The following TUT4 variants were observed in gnomAD, a reference collection of about 807,000 sequenced individuals.
TUT4 encodes the protein terminal uridylyltransferase 4.
In TUT4, 36 loss-of-function variants were observed where a neutral mutation model predicts 192.2. The ratio of observed to expected loss-of-function variants is 0.19; its 90% confidence interval spans 0.14 to 0.25. The LOEUF (loss-of-function observed/expected upper bound fraction) is 0.25. Among genes scored for constraint, TUT4 ranks in the 10% least tolerant of loss-of-function variants. The pLI, the probability that TUT4 is intolerant of heterozygous loss-of-function variation, is 1.00. For missense variants in TUT4, 1,493 were observed against 1,957.2 expected, an observed-to-expected ratio of 0.76 and a Z score of 4.47; for synonymous variants, 618 against 666.0, an observed-to-expected ratio of 0.93 and a Z score of 1.11.
chr1:52,475,969 G>A (rs1045344373), intron 12 of TUT4, among the ~76,000 whole-genome samples: 6 of 151,768 alleles, frequency 4.0e-5, no homozygotes, highest in East Asian at 1.9e-4. Flanking sequence ...CTCAGCCTCC[G>A]GAGTAGCTGG....
chr1:52,464,839 ACT>A (rs1158495002), intron 16 of TUT4: 15 of 372,194 alleles, frequency 4.0e-5, no homozygotes, highest in Non-Finnish European at 6.2e-5. Flanking sequence ...AATCACTGTA[ACT>A]CTCAGTGACA....
chr1:52,477,917 A>T, intron 11 of TUT4, 35 bp from the exon 12 acceptor site: 4 of 1,513,686 alleles, frequency 2.6e-6, no homozygotes, highest in Non-Finnish European at 3.5e-6. Flanking sequence ...TTTAAGCTTA[A>T]CAAAACCATA....
intron 28 of TUT4, among the ~76,000 whole-genome samples, chr1:52,429,496 T>C (rs1651282716): frequency 6.6e-6 from 1 of 151,634 alleles, no homozygotes; most frequent in African/African-American, 2.4e-5. Context: ...TGTAGTATGC[T>C]AGATTGGCCT....
At chr1:52,461,655 T>A (rs1382216363) in intron 17 of TUT4, 39 bp from the exon 18 acceptor site, 1 of 1,563,896 alleles carries the variant, frequency 6.4e-7, no homozygotes, top group East Asian at 2.3e-5. Context: ...GTTAAATAAT[T>A]TTCATATATG....
chr1:52,536,789 G>A (rs1039591453), intron 1 of TUT4, among the ~76,000 whole-genome samples: 3 of 152,262 alleles, frequency 2.0e-5, no homozygotes, highest in African/African-American at 4.8e-5. Flanking sequence ...AGGAGGTGGA[G>A]GTTGCAGTGA....
intron 29 of TUT4, chr1:52,424,372 A>G (rs1264875247): frequency 1.7e-5 from 4 of 239,586 alleles, no homozygotes; most frequent in African/African-American, 4.6e-5. Flanking sequence ...CAATACAGGG[A>G]TGCCCCAGTA....
In TUT4 at chr1:52,475,264, T is replaced by C. The variant is rs1464532380; in HGVS notation, c.2295A>G (p.Gln765=). Residue 765 remains glutamine (Q), a synonymous_variant, in exon 13 of 30, where the codon CAA becomes CAG. Coordinates refer to ENST00000257177, the MANE Select transcript of TUT4 (RefSeq NM_001009881.3). ...GTGATGTACAGTCCATTTCATCACA[T>C]TGAACAGGTTGCTCTCTTTCTGCAT... is the stretch of plus-strand genomic sequence containing the variant. ...KINAEREQPV[Q]CDEMDCTSQR... 1.5e-5 allele frequency: 24 copies of C among 1,614,076 alleles called. No homozygotes were observed. Among genetic ancestry groups the C allele is most frequent in the African/African-American group, 2.7e-5 (2 of 74,934 alleles).
intron 12 of TUT4, among the ~76,000 whole-genome samples, chr1:52,477,087 C>T (rs1280031678): frequency 2.0e-5 from 3 of 152,134 alleles, no homozygotes; most frequent in Admixed American, 2.0e-4. Flanking sequence ...AATCTTATGA[C>T]ACAAATTTAT....
At chr1:52,515,716 A>G in intron 3 of TUT4, 175 bp downstream of exon 3, 1 of 731,258 alleles carries the variant, frequency 1.4e-6, no homozygotes, top group South Asian at 1.9e-5. Context: ...CTGCTGAAAA[A>G]GAGAGGCAAG....
At chr1:52,477,425 T>A (rs920496614) in intron 12 of TUT4, among the ~76,000 whole-genome samples, 1 of 151,912 alleles carries the variant, frequency 6.6e-6, no homozygotes, top group Non-Finnish European at 1.5e-5. Flanking sequence ...ATAAAAAAAA[T>A]TAGCTGGGCA....
At chr1:52,454,221 C>G (rs1660233825) in intron 20 of TUT4, among the ~76,000 whole-genome samples, 1 of 152,144 alleles carries the variant, frequency 6.6e-6, no homozygotes, top group African/African-American at 2.4e-5. Context: ...TATAGACAAA[C>G]TGATTCTAAA....
intron 7 of TUT4, among the ~76,000 whole-genome samples, chr1:52,491,176 G>GA (rs1020456660): frequency 1.3e-5 from 2 of 152,182 alleles, no homozygotes; most frequent in African/African-American, 2.4e-5. Context: ...CAGGAGCCAT[G>GA]AAAGGAGGAC....
At position 52,425,459 on chromosome 1, in the gene TUT4, G is replaced by A. The variant is rs779841519; in HGVS notation, c.4760C>T (p.Pro1587Leu). Residue 1587 changes from proline to leucine, a missense_variant, in exon 29 of 30, where the codon CCG becomes CTG. Physicochemically the swap from Pro to Leu is moderately conservative, Grantham distance 98. Transcript: ENST00000257177. ...LTPPIPWEHA[P>L]RPHFPLVPAS... ...TGGGACAAGGGGGAAATGGGGACGC[G>A]GTGCATGTTCCCAAGGAATTGGAGG... 12 of 1,614,002 alleles carry A rather than the reference G, an allele frequency of 7.4e-6. No homozygotes were observed. Among genetic ancestry groups the A allele is most frequent in the South Asian group, 4.4e-5 (4 of 91,068 alleles).
intron 1 of TUT4, among the ~76,000 whole-genome samples, chr1:52,532,579 G>A (rs977370840): frequency 5.3e-5 from 8 of 152,246 alleles, no homozygotes; most frequent in East Asian, 3.9e-4. Context: ...CCCAAGTGCC[G>A]GGATTACAGG....
intron 15 of TUT4, among the ~76,000 whole-genome samples, chr1:52,467,927 A>C (rs1471070612): frequency 2.0e-5 from 3 of 152,104 alleles, no homozygotes; most frequent in Admixed American, 6.6e-5. Context: ...CCATCACTTC[A>C]GTTCTTTTAT....
Position 52,472,055 on chromosome 1 carries a change from C to T in TUT4, c.2775G>A (p.Lys925=), listed in dbSNP as rs767984203. 6.2e-7 allele frequency: 1 copy of T among 1,613,846 alleles called. No individual in the cohort carries two copies. Among genetic ancestry groups the T allele is most frequent in the South Asian group, 1.1e-5 (1 of 91,066 alleles). The change falls in exon 14 of 30, where the codon AAG becomes AAA. Residue 925 remains lysine (K), a synonymous_variant. Coordinates refer to ENST00000257177, the MANE Select transcript of TUT4 (RefSeq NM_001009881.3). ...TCCTAAAATCCTCTGGGCAATCATT[C>T]TTTGAATGGCCATCCTTTTTGCAGA... ...CSICKKDGHS[K]NDCPEDFRKI...
chr1:52,525,661 T>C lies in TUT4; in HGVS notation c.620A>G (p.Gln207Arg), dbSNP rs531903971. Residue 207 changes from glutamine to arginine, a missense_variant, in exon 2 of 30, where the codon CAA (glutamine) becomes CGA (arginine). By Grantham distance (43) the Gln-to-Arg change is conservative (BLOSUM62 1). This residue lies in a region of TUT4 where 260 missense variants were observed against 247.8 expected (regional missense o/e 1.05). Coordinates refer to ENST00000257177, the MANE Select transcript of TUT4 (RefSeq NM_001009881.3). ...TTGCTTCTGAGATCGTGGTGAGTTT[T>C]GCAGAGCACATTTTTCTCCCCCTAC... is the stretch of plus-strand genomic sequence containing the variant. ...EAVGGEKCALQNSPRSQKQQT... is the reference protein window; with the variant it reads ...EAVGGEKCALRNSPRSQKQQT... 9 of 1,614,220 alleles carry C rather than the reference T, an allele frequency of 5.6e-6. No homozygotes were observed. Among genetic ancestry groups the C allele is most frequent in the Admixed American group, 1.7e-5 (1 of 60,028 alleles).
Position 52,526,192 on chromosome 1 carries a change from C to T in TUT4, c.89G>A (p.Gly30Asp). ...CEESKAVQVI[G>D]NQTLKARNDK... ...ATTTCTAGCTTTCAATGTTTGATTA[C>T]CTATAACTTGAACTGCTTTGCTTTC... is the stretch of plus-strand genomic sequence containing the variant. The change falls in exon 2 of 30, where the codon GGT (glycine) becomes GAT (aspartate). Residue 30 changes from glycine (G) to aspartate (D), a missense_variant. By Grantham distance (94) the Gly-to-Asp change is moderately conservative. Coordinates refer to ENST00000257177, the MANE Select transcript of TUT4 (RefSeq NM_001009881.3). 1 of 1,609,704 alleles carries T rather than the reference C, an allele frequency of 6.2e-7. No homozygotes were observed. Among genetic ancestry groups the T allele is most frequent in the Non-Finnish European group, 8.5e-7 (1 of 1,179,378 alleles).
rs75473474 is a variant in TUT4 at position 52,488,846 on chromosome 1, T to G, written c.1515+63A>C. On this transcript the variant is annotated intron_variant, in intron 9 of 29. Transcript: ENST00000257177. ...TGTCAGTACAAGAAAAGGCCTAATT[T>G]TGAAGATTAAATACATTTCCTTCTA... 2,317 of 1,507,630 alleles carry G rather than the reference T, an allele frequency of 1.5e-3. 29 individuals are homozygous for G. In the African/African-American group the frequency reaches 0.03, roughly 19 times the overall value. 93.4% of individuals were successfully genotyped at this position (1,507,630 alleles called of 1,614,324 possible).
Sources: allele counts gnomAD v4.1 joint callset (sites outside exome capture counted in the v4.1 genomes callset), GRCh38; gene constraint gnomAD v4.1.1; regional missense constraint gnomAD v4.1.1; transcripts MANE v1.5; gene names NCBI Gene and HGNC (gene_info 2026-07-23, HGNC 2026-07-21).